The following ZBTB7C variants were observed in gnomAD, a reference collection of about 807,000 sequenced individuals.
The protein encoded by ZBTB7C is zinc finger and BTB domain-containing protein 7C.
A neutral mutation model predicts 25.7 loss-of-function variants in ZBTB7C; 8 were observed. The observed-to-expected ratio is 0.31, with a 90% CI of 0.18 to 0.56. The LOEUF is 0.56. Ranked by LOEUF, ZBTB7C falls within the 20% of genes least tolerant of loss-of-function variation. The probability of loss-of-function intolerance (pLI) is 0.91; values close to 1 mark genes in which losing one functional copy is unlikely to be tolerated. For missense variants in ZBTB7C, 824 were observed against 855.2 expected (o/e 0.96, Z 0.46); for synonymous variants, 394 against 369.0 (o/e 1.07, Z -0.78).
At chr18:48,180,806 A>C (rs893796683) in intron 3 of ZBTB7C, among the ~76,000 whole-genome samples, 5 of 152,182 alleles carry the variant, frequency 3.3e-5, no homozygotes, top group African/African-American at 1.2e-4. Context: ...CATCACAAAG[A>C]TATAATTATT....
intron 2 of ZBTB7C, among the ~76,000 whole-genome samples, chr18:48,275,256 T>A (rs914284340): frequency 1.3e-5 from 2 of 152,222 alleles, no homozygotes; most frequent in Non-Finnish European, 2.9e-5. Flanking sequence ...AGATTCTTCC[T>A]CTACTTATGG....
intron 2 of ZBTB7C, among the ~76,000 whole-genome samples, chr18:48,282,269 CAT>C (rs2044879287): frequency 7.7e-6 from 1 of 129,084 alleles, no homozygotes; most frequent in Non-Finnish European, 1.5e-5. Flanking sequence ...AATGAGAACA[CAT>C]GGACACAGGA....
At chr18:48,351,177 G>A (rs1156725580) in intron 1 of ZBTB7C, among the ~76,000 whole-genome samples, 2 of 152,074 alleles carry the variant, frequency 1.3e-5, no homozygotes, top group African/African-American at 2.4e-5. Context: ...GTGTGAGTGC[G>A]AGATGGAAGC....
At chr18:48,033,131 G>T (rs1258257226) in intron 4 of ZBTB7C, among the ~76,000 whole-genome samples, 1 of 152,162 alleles carries the variant, frequency 6.6e-6, no homozygotes, top group Non-Finnish European at 1.5e-5. Context: ...CTAAACCTAG[G>T]ACCAGACATC....
rs918112339 is a variant in ZBTB7C at position 48,318,537 on chromosome 18, G to A, written c.-79+19637C>T. Among the ~76,000 whole-genome samples, 12 of 152,294 alleles carry A rather than the reference G, an allele frequency of 7.9e-5. No homozygotes were observed. In the South Asian group the frequency reaches 8.3e-4, roughly 11 times the overall value. ...GGCTGTTCCTCACACTAGGAGGGTC[G>A]CATCTGCGGCCCACGTCCTCCCTCT... On this transcript the variant is annotated intron_variant, in intron 2 of 4. Coordinates refer to ENST00000590800, the MANE Select transcript of ZBTB7C (RefSeq NM_001318841.2).
intron 3 of ZBTB7C, among the ~76,000 whole-genome samples, chr18:48,178,406 C>T (rs930162660): frequency 5.3e-5 from 8 of 152,244 alleles, no homozygotes; most frequent in African/African-American, 1.9e-4. Flanking sequence ...CTGCCTGCTG[C>T]TTCTTGTTCC....
intron 2 of ZBTB7C, among the ~76,000 whole-genome samples, chr18:48,328,741 T>C (rs530739249): frequency 2.6e-5 from 4 of 151,860 alleles, no homozygotes; most frequent in Admixed American, 2.6e-4. Flanking sequence ...TTAAAATGAG[T>C]GTATTTTTAG....
At chr18:48,389,232 CTCTCGTGTGTGTGTGTGTGTGT>C (rs2047831992) in intron 1 of ZBTB7C, among the ~76,000 whole-genome samples, 3 of 61,880 alleles carry the variant, frequency 4.8e-5, no homozygotes, top group African/African-American at 2.0e-4. Context: ...CTCTCTCTCT[CTCTCGTGTGTGTGTGTGTGTGT>C]GTGTGTGTGT....
At chr18:48,068,142 T>TTA (rs1782736055) in intron 3 of ZBTB7C, among the ~76,000 whole-genome samples, 1 of 149,296 alleles carries the variant, frequency 6.7e-6, no homozygotes, top group Non-Finnish European at 1.5e-5. Flanking sequence ...GTAAGTCTTT[T>TTA]TTTTTTTTTT....
intron 2 of ZBTB7C, among the ~76,000 whole-genome samples, chr18:48,236,928 G>A (rs942563219): frequency 8.5e-5 from 13 of 152,092 alleles, no homozygotes; most frequent in African/African-American, 2.7e-4. Flanking sequence ...AACCAAACAG[G>A]GGATCATGGA....
intron 3 of ZBTB7C, among the ~76,000 whole-genome samples, chr18:48,117,428 C>A (rs1598910074): frequency 6.6e-6 from 1 of 152,148 alleles, no homozygotes; most frequent in African/African-American, 2.4e-5. Flanking sequence ...TGAGAGGCAG[C>A]CTGCCACAGA....
rs761078323 is a variant in ZBTB7C at position 48,029,920 on chromosome 18, C to T, written c.1209-9G>A. ...TTTTCAGCTTGTCCTGCCTGCAATG[C>T]AGAGACTGGGGGTCAGTCCCGCAGG... On this transcript the variant is annotated splice_polypyrimidine_tract_variant and intron_variant, in intron 4 of 4. Transcript: ENST00000590800. 6.2e-7 allele frequency: 1 copy of T among 1,610,248 alleles called. No homozygotes were observed. Among genetic ancestry groups the T allele is most frequent in the South Asian group, 1.1e-5 (1 of 91,084 alleles).
intron 2 of ZBTB7C, among the ~76,000 whole-genome samples, chr18:48,238,535 GAGA>G (rs752318847): frequency 2.0e-5 from 3 of 152,196 alleles, no homozygotes; most frequent in African/African-American, 4.8e-5. Context: ...CAGATCATGG[GAGA>G]AGGAGTTAAC....
intron 2 of ZBTB7C, among the ~76,000 whole-genome samples, chr18:48,226,889 A>G (rs1350631367): frequency 6.6e-6 from 1 of 152,016 alleles, no homozygotes; most frequent in East Asian, 1.9e-4. Flanking sequence ...GCGTGATGGC[A>G]CACAACTGTA....
intron 2 of ZBTB7C, among the ~76,000 whole-genome samples, chr18:48,239,990 A>G (rs1349702950): frequency 6.6e-6 from 1 of 152,102 alleles, no homozygotes; most frequent in Non-Finnish European, 1.5e-5. Flanking sequence ...GGACAAAAAA[A>G]TCTCCAGAGA....
chr18:48,087,177 G>A (rs1218948040), intron 3 of ZBTB7C, among the ~76,000 whole-genome samples: 1 of 152,210 alleles, frequency 6.6e-6, no homozygotes, highest in Non-Finnish European at 1.5e-5. Context: ...TGCTCACTGT[G>A]CTCCTGGGCC....
chr18:48,104,025 T>C (rs1464275723), intron 3 of ZBTB7C, among the ~76,000 whole-genome samples: 3 of 152,130 alleles, frequency 2.0e-5, no homozygotes, highest in Non-Finnish European at 4.4e-5. Context: ...GTTGTGGGGA[T>C]GGTTGCAAAC....
intron 1 of ZBTB7C, among the ~76,000 whole-genome samples, chr18:48,342,391 C>A (rs1387166463): frequency 6.6e-6 from 1 of 152,170 alleles, no homozygotes; most frequent in Non-Finnish European, 1.5e-5. Flanking sequence ...CACAGGAGAC[C>A]CAGCCAGGAT....
At chr18:48,041,164 TG>T (rs755951507) in intron 3 of ZBTB7C, 41 bp from the exon 4 acceptor site, 15 of 1,537,190 alleles carry the variant, frequency 9.8e-6, no homozygotes, top group Non-Finnish European at 1.3e-5. Flanking sequence ...TTAGTGAGCG[TG>T]GCCCCAGGAG....
Sources: gnomAD v4.1 joint callset for allele counts (sites outside exome capture counted in the v4.1 genomes callset) on GRCh38, gnomAD v4.1.1 for gene constraint, MANE v1.5 for transcripts, NCBI Gene and HGNC (gene_info 2026-07-23, HGNC 2026-07-21) for gene names.